The following POLK variants were observed in gnomAD, a reference collection of about 807,000 sequenced individuals.
POLK encodes the protein polymerase (DNA directed) kappa.
A neutral mutation model predicts 94.0 loss-of-function variants in POLK; 76 were observed. The ratio of observed to expected loss-of-function variants is 0.81; its 90% CI spans 0.67 to 0.98. POLK has a LOEUF of 0.98. Among genes scored for constraint, POLK ranks in the 50% least tolerant of loss-of-function variants. The pLI, the probability that POLK is intolerant of heterozygous loss-of-function variation, is 0.00. For synonymous variants in POLK, 349 were observed against 325.4 expected (o/e 1.07, Z -0.78); for missense variants, 954 against 1,010.1 (o/e 0.94, Z 0.75).
intron 1 of POLK, among the ~76,000 whole-genome samples, chr5:75,531,740 TGA>T (rs1262464129): frequency 1.3e-5 from 2 of 151,748 alleles, no homozygotes; most frequent in Non-Finnish European, 2.9e-5. Context: ...TGTAGTGAGC[TGA>T]GACTGTGTCA....
intron 4 of POLK, among the ~76,000 whole-genome samples, chr5:75,571,820 A>G (rs3097151): frequency 3.3e-5 from 5 of 152,336 alleles, no homozygotes; most frequent in Admixed American, 2.6e-4. Flanking sequence ...GATCTACAAT[A>G]TACCACAAAT....
At position 75,541,620 on chromosome 5, in the gene POLK, A is replaced by G. The variant is rs72768365; in HGVS notation, c.-13-5390A>G. On this transcript the variant is annotated intron_variant, in intron 1 of 14. Coordinates refer to ENST00000241436, the Ensembl canonical transcript of POLK. ...TGGTAAAAAACTTGAGTTTTAGTGT[A>G]TATACTCTTGGTTTAGGATCTGTGG... is the stretch of plus-strand genomic sequence containing the variant. Among the ~76,000 whole-genome samples the G allele has an allele frequency of 3.1e-3, 477 of 152,310 alleles. 2 individuals are homozygous for G. The highest frequency in any genetic ancestry group is 4.1e-3 in the Non-Finnish European group (280 of 68,008).
rs186005508 is a variant in POLK at position 75,526,139 on chromosome 5, G to A, written c.-14+14225G>A. Among the ~76,000 whole-genome samples, 7 of 151,884 alleles carry A rather than the reference G, an allele frequency of 4.6e-5. No homozygotes were observed. The South Asian group carries it at 1.2e-3, about 27-fold the overall frequency. On this transcript the variant is annotated intron_variant, in intron 1 of 14. Coordinates refer to ENST00000241436, the Ensembl canonical transcript of POLK. Reference sequence around the variant, plus strand: ...ATATAACCAACCTTTATAGAATTTCGTATTTTATATTTTTATCTGTTTCAT... The same window carrying A: ...ATATAACCAACCTTTATAGAATTTCATATTTTATATTTTTATCTGTTTCAT...
At chr5:75,565,340 C>T (rs541328933) in intron 3 of POLK, among the ~76,000 whole-genome samples, 15 of 152,186 alleles carry the variant, frequency 9.9e-5, no homozygotes, top group African/African-American at 2.9e-4. Context: ...TCCTTTAGCT[C>T]GGAGGACTTT....
At chr5:75,606,076 T>C (rs1773418078), downstream of POLK, among the ~76,000 whole-genome samples, 1 of 111,268 alleles carries the variant, frequency 9.0e-6, no homozygotes, top group African/African-American at 3.5e-5. Flanking sequence ...GGGGAGAGGG[T>C]CAGCAGACAA....
At chr5:75,548,909 A>T (rs1436747620) in intron 2 of POLK, among the ~76,000 whole-genome samples, 1 of 152,156 alleles carries the variant, frequency 6.6e-6, no homozygotes, top group Non-Finnish European at 1.5e-5. Context: ...TTAAGGAATT[A>T]TTGTTAATTT....
chr5:75,575,981 C>T (rs546538650), intron 5 of POLK, among the ~76,000 whole-genome samples: 58 of 152,120 alleles, frequency 3.8e-4, no homozygotes, highest in Admixed American at 1.6e-3. Flanking sequence ...ATTATTTTGA[C>T]AACCATTGCC....
chr5:75,601,458 G>A (rs1773294374), downstream of POLK, among the ~76,000 whole-genome samples: 1 of 152,076 alleles, frequency 6.6e-6, no homozygotes, highest in Non-Finnish European at 1.5e-5. Flanking sequence ...TGTCTGTGAG[G>A]GTATTGCCAA....
At chr5:75,566,465 T>C (rs141251669) in intron 3 of POLK, among the ~76,000 whole-genome samples, 1 of 152,220 alleles carries the variant, frequency 6.6e-6, no homozygotes, top group Non-Finnish European at 1.5e-5. Context: ...CCGCCCAGTT[T>C]TGTGCTTGAA....
chr5:75,530,412 T>G (rs1168492206), intron 1 of POLK, among the ~76,000 whole-genome samples: 14 of 115,050 alleles, frequency 1.2e-4, no homozygotes, highest in Non-Finnish European at 2.1e-4. Flanking sequence ...TTTTTTTTTT[T>G]TTTTTTTTTT....
intron 1 of POLK, among the ~76,000 whole-genome samples, chr5:75,514,462 T>A (rs934178005): frequency 6.6e-6 from 1 of 152,218 alleles, no homozygotes; most frequent in African/African-American, 2.4e-5. Flanking sequence ...TAGCCTTTTG[T>A]AAGTAGCAAT....
chr5:75,563,747 G>A (rs78072711), intron 3 of POLK, among the ~76,000 whole-genome samples: 10 of 152,202 alleles, frequency 6.6e-5, no homozygotes, highest in African/African-American at 1.7e-4. Flanking sequence ...ATTTGATTGC[G>A]CTGTGGTCTG....
At chr5:75,535,559 T>TTC (rs369801969) in intron 1 of POLK, among the ~76,000 whole-genome samples, 1 of 152,102 alleles carries the variant, frequency 6.6e-6, no homozygotes, top group African/African-American at 2.4e-5. Flanking sequence ...GTTGCTTACT[T>TTC]TCTCTCTCTC....
chr5:75,558,786 C>T (rs1234596462), intron 3 of POLK, among the ~76,000 whole-genome samples: 1 of 152,068 alleles, frequency 6.6e-6, no homozygotes, highest in African/African-American at 2.4e-5. Context: ...AAGCAACGTA[C>T]TTTCTGGACA....
intron 1 of POLK, among the ~76,000 whole-genome samples, chr5:75,514,091 G>A (rs1366112371): frequency 2.6e-5 from 4 of 151,854 alleles, no homozygotes; most frequent in Non-Finnish European, 5.9e-5. Context: ...ATGTTGCTAT[G>A]GTGATAGTTT....
At chr5:75,542,656 T>A (rs1042218716) in intron 1 of POLK, among the ~76,000 whole-genome samples, 2 of 112,444 alleles carry the variant, frequency 1.8e-5, no homozygotes, top group Admixed American at 1.6e-4. Context: ...TATATACACA[T>A]ATATATATAC....
chr5:75,547,094 T>C lies in POLK; in HGVS notation c.72T>C (p.Asn24=), dbSNP rs751040826. 2.7e-5 allele frequency: 41 copies of C among 1,526,010 alleles called. No individual in the cohort carries two copies. In the South Asian group the frequency reaches 4.4e-4, roughly 16 times the overall value. 94.5% of individuals were successfully genotyped at this position (1,526,010 alleles called of 1,614,324 possible). A position where few individuals can be genotyped will look rare whatever the true frequency, so the allele number is the denominator to read the frequency against. Residue 24 remains asparagine (N), a synonymous_variant, in exon 2 of 15, where the codon AAT becomes AAC. Transcript: ENST00000241436. ...TGCTTAGGATGGGACTTAATGATAA[T>C]AAAGCAGGAATGGAAGGATTAGATA... is the stretch of plus-strand genomic sequence containing the variant.
intron 9 of POLK, among the ~76,000 whole-genome samples, chr5:75,585,984 C>T (rs967037929): frequency 1.3e-5 from 2 of 152,104 alleles, no homozygotes; most frequent in Admixed American, 1.3e-4. Context: ...TGACTTTGAT[C>T]TTCAGTGGGC....
At chr5:75,527,537 AC>A (rs1361584649) in intron 1 of POLK, among the ~76,000 whole-genome samples, 109 of 149,484 alleles carry the variant, frequency 7.3e-4, no homozygotes, top group African/African-American at 2.7e-3. Context: ...ACACACACAC[AC>A]ACAAGTACGT....
Sources: gnomAD v4.1 joint callset for allele counts (sites outside exome capture counted in the v4.1 genomes callset) on GRCh38, gnomAD v4.1.1 for gene constraint, MANE v1.5 for transcripts, NCBI Gene and HGNC (gene_info 2026-07-23, HGNC 2026-07-21) for gene names.